The following SEMA5A variants were observed in gnomAD, a reference collection of about 807,000 sequenced individuals.
The protein encoded by SEMA5A is semaphorin 5A, also known as semaphorin-5A.
SEMA5A carries 55 observed loss-of-function variants against 135.5 expected under a neutral mutation model. That is an observed-to-expected ratio of 0.41 (90% CI 0.33 to 0.51). SEMA5A has a LOEUF of 0.51. Ranked by LOEUF, SEMA5A falls within the 20% of genes least tolerant of loss-of-function variation. The pLI is 0.37. For missense variants in SEMA5A, 1,290 were observed against 1,419.9 expected, an observed-to-expected ratio of 0.91 and a Z score of 1.47; for synonymous variants, 580 against 546.5, an observed-to-expected ratio of 1.06 and a Z score of -0.85.
chr5:9,329,806 C>T (rs1672190816), intron 4 of SEMA5A, among the ~76,000 whole-genome samples: 1 of 152,120 alleles, frequency 6.6e-6, no homozygotes, highest in Admixed American at 6.5e-5. Context: ...ACCTCGAGTG[C>T]CAAAATCCAT....
At chr5:9,099,355 C>T (rs1336156784) in intron 16 of SEMA5A, among the ~76,000 whole-genome samples, 1 of 152,218 alleles carries the variant, frequency 6.6e-6, no homozygotes, top group Admixed American at 6.5e-5. Flanking sequence ...AAGCTCTTCA[C>T]TGAGATATTT....
At chr5:9,251,700 T>C (rs1748797607) in intron 5 of SEMA5A, among the ~76,000 whole-genome samples, 1 of 152,116 alleles carries the variant, frequency 6.6e-6, no homozygotes. Context: ...AACAGAATCC[T>C]GGAATCAGAC....
chr5:9,173,139 C>G (rs561647762), intron 11 of SEMA5A, among the ~76,000 whole-genome samples: 1 of 152,260 alleles, frequency 6.6e-6, no homozygotes, highest in Non-Finnish European at 1.5e-5. Flanking sequence ...TGAAATGGCA[C>G]TGTTGAAGAT....
intron 1 of SEMA5A, among the ~76,000 whole-genome samples, chr5:9,500,239 T>A (rs1735520420): frequency 6.6e-6 from 1 of 152,244 alleles, no homozygotes; most frequent in Non-Finnish European, 1.5e-5. Flanking sequence ...TTATAATGCA[T>A]TATTAAATGC....
intron 8 of SEMA5A, among the ~76,000 whole-genome samples, chr5:9,217,798 T>C (rs1746717723): frequency 6.6e-6 from 1 of 152,252 alleles, no homozygotes; most frequent in South Asian, 2.1e-4. Flanking sequence ...TACTTGTGAT[T>C]GCATTGTAAA....
chr5:9,518,099 GA>G (rs1465835306), intron 1 of SEMA5A: 10 of 152,020 alleles, frequency 6.6e-5, no homozygotes, highest in African/African-American at 2.2e-4. Flanking sequence ...AAAAATTAAC[GA>G]TGAAAAAATC....
intron 1 of SEMA5A, among the ~76,000 whole-genome samples, chr5:9,450,495 G>T (rs2126702986): frequency 6.6e-6 from 1 of 151,964 alleles, no homozygotes; most frequent in South Asian, 2.1e-4. Flanking sequence ...TTGCTGTCTG[G>T]ACTCCCATTC....
intron 4 of SEMA5A, among the ~76,000 whole-genome samples, chr5:9,328,562 T>C (rs1309345665): frequency 6.6e-6 from 1 of 152,096 alleles, no homozygotes; most frequent in Non-Finnish European, 1.5e-5. Context: ...GTGGATCACT[T>C]GAGGTCAGGA....
chr5:9,453,058 A>G (rs1224737482), intron 1 of SEMA5A, among the ~76,000 whole-genome samples: 3 of 152,200 alleles, frequency 2.0e-5, no homozygotes, highest in African/African-American at 7.2e-5. Flanking sequence ...AAGTCTAAAC[A>G]CGTACTTTAT....
At chr5:9,190,150 GC>G in intron 11 of SEMA5A, 116 bp downstream of exon 11, 2 of 1,063,514 alleles carry the variant, frequency 1.9e-6, no homozygotes, top group South Asian at 3.0e-5. Flanking sequence ...TTTGCTGGTT[GC>G]AAAAAGAGAC....
rs187563831 is a variant in SEMA5A at position 9,303,840 on chromosome 5, A to C, written c.270+14532T>G. ...ATAAGTTTAACAAATCCTATATAAA[A>C]TATTTTAAAAATAACATATTTTGAA... On this transcript the variant is annotated intron_variant, in intron 5 of 22. Coordinates refer to ENST00000382496, the MANE Select transcript of SEMA5A (RefSeq NM_003966.3). Among the ~76,000 whole-genome samples, 184 of 152,320 alleles carry C rather than the reference A, an allele frequency of 1.2e-3. 1 individual carries two copies. The highest frequency in any genetic ancestry group is 0.01 in the Middle Eastern group (3 of 294).
chr5:9,412,606 T>TC (rs1757142689), intron 2 of SEMA5A, among the ~76,000 whole-genome samples: 1 of 151,316 alleles, frequency 6.6e-6, no homozygotes, highest in South Asian at 2.1e-4. Flanking sequence ...TTTTTTTTTT[T>TC]TTTGGATTTT....
At chr5:9,048,519 T>A (rs538072730) in intron 21 of SEMA5A, among the ~76,000 whole-genome samples, 1 of 152,062 alleles carries the variant, frequency 6.6e-6, no homozygotes, top group Non-Finnish European at 1.5e-5. Flanking sequence ...GCATCTTCAC[T>A]TTTTTCAACA....
intron 8 of SEMA5A, 93 bp downstream of exon 8, chr5:9,224,581 T>G: frequency 9.0e-7 from 1 of 1,105,564 alleles, no homozygotes; most frequent in Non-Finnish European, 1.3e-6. Context: ...AGAATTCATT[T>G]TTATTTAGAG....
Position 9,243,462 on chromosome 5 carries a change from T to G in SEMA5A, c.271-5572A>C, listed in dbSNP as rs116756792. 4.4e-3 allele frequency among the ~76,000 whole-genome samples: 666 copies of G among 152,292 alleles called. 2 individuals are homozygous for G. The highest frequency in any genetic ancestry group is 0.015 in the African/African-American group (628 of 41,560). On this transcript the variant is annotated intron_variant, in intron 5 of 22. Coordinates refer to ENST00000382496, the MANE Select transcript of SEMA5A (RefSeq NM_003966.3). ...GACTCTTTTTTCAAATAAGGTCATATTCTGGGAATCTGCATGGACATGAGT... is the reference window on the plus strand; with the variant it reads ...GACTCTTTTTTCAAATAAGGTCATAGTCTGGGAATCTGCATGGACATGAGT...
intron 11 of SEMA5A, among the ~76,000 whole-genome samples, 198 bp downstream of exon 11, chr5:9,190,069 T>C (rs1313628764): frequency 1.3e-5 from 2 of 152,178 alleles, no homozygotes; most frequent in East Asian, 3.9e-4. Flanking sequence ...TTATGACCAA[T>C]ATAGTGAAAA....
At chr5:9,467,985 T>C (rs1481614131) in intron 1 of SEMA5A, among the ~76,000 whole-genome samples, 1 of 152,134 alleles carries the variant, frequency 6.6e-6, no homozygotes, top group Non-Finnish European at 1.5e-5. Context: ...CAAATAAATA[T>C]TATTATCCCT....
chr5:9,430,925 G>T (rs1241292563), intron 2 of SEMA5A, among the ~76,000 whole-genome samples: 1 of 151,246 alleles, frequency 6.6e-6, no homozygotes, highest in East Asian at 1.9e-4. Flanking sequence ...AATTTTCTTA[G>T]GATGATAGAT....
chr5:9,075,556 C>A (rs1397740118), intron 16 of SEMA5A, among the ~76,000 whole-genome samples: 27 of 146,200 alleles, frequency 1.8e-4, no homozygotes, highest in Non-Finnish European at 1.2e-4. Context: ...AAAAAGCCAG[C>A]AAAAAAAAAA....
Sources: gnomAD v4.1 joint callset for allele counts (sites outside exome capture counted in the v4.1 genomes callset) on GRCh38, gnomAD v4.1.1 for gene constraint, MANE v1.5 for transcripts, NCBI Gene and HGNC (gene_info 2026-07-23, HGNC 2026-07-21) for gene names.